Variants in DPP8 observed in about 807,000 individuals in gnomAD.
The protein encoded by DPP8 is dipeptidyl peptidase 8.
Under a neutral mutation model 107.5 loss-of-function variants are expected in DPP8, and 31 were observed. That is an observed-to-expected ratio of 0.29 (90% CI 0.22 to 0.39). The LOEUF (loss-of-function observed/expected upper bound fraction) is 0.39. Among genes scored for constraint, DPP8 ranks in the 10% least tolerant of loss-of-function variants. The probability of loss-of-function intolerance (pLI) is 1.00; values close to 1 mark genes in which losing one functional copy is unlikely to be tolerated. For missense variants in DPP8, 842 were observed against 1,076.1 expected, an observed-to-expected ratio of 0.78 and a Z score of 3.04; for synonymous variants, 381 against 356.6, an observed-to-expected ratio of 1.07 and a Z score of -0.77.
At chr15:65,470,186 C>A in intron 12 of DPP8, among the ~76,000 whole-genome samples, 1 of 99,044 alleles carries the variant, frequency 1.0e-5, no homozygotes. Context: ...CAGAGTGAGA[C>A]TCTTGTCTCA....
rs746259335 is a variant in DPP8, at chr15:65,487,798, G to A, written c.847C>T (p.Leu283Phe). 1 of 1,567,124 alleles carries A rather than the reference G, an allele frequency of 6.4e-7. No individual in the cohort carries two copies. The highest frequency in any genetic ancestry group is 8.8e-7 in the Non-Finnish European group (1 of 1,142,790). The change falls in exon 7 of 20, where the codon CTT becomes TTT. Residue 283 changes from leucine (L) to phenylalanine (F), a missense_variant. By Grantham distance (22) the Leu-to-Phe change is conservative. Transcript: ENST00000300141. ...AETTPSGGKI[L>F]RILYEENDES... is the part of the protein sequence containing the mutation. Reference sequence around the variant, plus strand: ...TCATTTTCTTCATATAGAATTCTAAGAATTTTACCACCACTGGGAGCTTAA... The same window carrying A: ...TCATTTTCTTCATATAGAATTCTAAAAATTTTACCACCACTGGGAGCTTAA...
intron 10 of DPP8, among the ~76,000 whole-genome samples, chr15:65,479,798 T>C (rs1008268688): frequency 7.1e-6 from 1 of 141,104 alleles, no homozygotes; most frequent in Non-Finnish European, 1.5e-5. Flanking sequence ...GAGCCGAGAT[T>C]GCACCACTGC....
chr15:65,514,785 C>T (rs2071238110), intron 1 of DPP8, among the ~76,000 whole-genome samples: 1 of 152,204 alleles, frequency 6.6e-6, no homozygotes. Context: ...GCTGGGATTA[C>T]AGGTGGGAGC....
At position 65,480,377 on chromosome 15, in the gene DPP8, G is replaced by A. The variant is rs1567210270; in HGVS notation, c.1141C>T (p.Arg381Cys). ...ACTATCTGTAGGCGAGTCTGGGAGC[G>A]ATCTAGTAGGATGGACCAAGCACTA... Reference protein sequence around the residue: ...GKYAWSILLDRSQTRLQIVLI... With the variant: ...GKYAWSILLDCSQTRLQIVLI... The change falls in exon 10 of 20, where the codon CGC becomes TGC. Residue 381 changes from arginine to cysteine, a missense_variant. Arg to Cys is a radical substitution (Grantham distance 180). This residue lies in a region of DPP8 where 663 missense variants were observed against 758.0 expected (regional missense o/e 0.87). Coordinates refer to ENST00000300141, the MANE Select transcript of DPP8 (RefSeq NM_130434.5). The A allele has an allele frequency of 6.2e-7, 1 of 1,611,740 alleles. No individual in the cohort carries two copies. The highest frequency in any genetic ancestry group is 1.3e-5 in the African/African-American group (1 of 74,880).
intron 7 of DPP8, among the ~76,000 whole-genome samples, chr15:65,485,656 TAAGTC>T (rs1424576172): frequency 6.6e-6 from 1 of 151,884 alleles, no homozygotes; most frequent in African/African-American, 2.4e-5. Flanking sequence ...ACACTTTAGT[TAAGTC>T]AAGAGTAACG....
At chr15:65,489,425 T>TTTTC (rs2140888520) in intron 6 of DPP8, among the ~76,000 whole-genome samples, 1 of 143,446 alleles carries the variant, frequency 7.0e-6, no homozygotes, top group African/African-American at 2.6e-5. Context: ...TTTTTTTTTT[T>TTTTC]TTTTTTGAGA....
rs948478605 is a variant in DPP8 at position 65,443,754 on chromosome 15, G to C, written c.*3130C>G. 1 of 152,122 alleles carries C rather than the reference G, an allele frequency of 6.6e-6. No homozygotes were observed. The highest frequency in any genetic ancestry group is 2.4e-5 in the African/African-American group (1 of 41,398). 9.4% of individuals were successfully genotyped at this position (152,122 alleles called of 1,614,324 possible). A position where few individuals can be genotyped will look rare whatever the true frequency, so the allele number is the denominator to read the frequency against. On this transcript the variant is annotated 3_prime_UTR_variant, in exon 20 of 20. Coordinates refer to ENST00000300141, the MANE Select transcript of DPP8 (RefSeq NM_130434.5). ...CATGGACTACTGTTTAGGTTCTTGT[G>C]AATCAGTCCAGTGTAAAAAATCACC... is the stretch of plus-strand genomic sequence containing the variant.
intron 1 of DPP8, among the ~76,000 whole-genome samples, chr15:65,514,533 G>A (rs2071201323): frequency 6.6e-6 from 1 of 152,124 alleles, no homozygotes; most frequent in African/African-American, 2.4e-5. Flanking sequence ...TTTTGAGGCA[G>A]AGTCTTGCTC....
chr15:65,478,384 G>A (rs904507117), intron 11 of DPP8, among the ~76,000 whole-genome samples: 3 of 152,064 alleles, frequency 2.0e-5, no homozygotes, highest in African/African-American at 4.8e-5. Context: ...TCAGCTTCCC[G>A]AGTAAGCTAA....
chr15:65,517,066 A>C (rs1357236208), intron 1 of DPP8: 1 of 153,010 alleles, frequency 6.5e-6, no homozygotes, highest in African/African-American at 2.4e-5. Context: ...GAAAAACCAG[A>C]AAATCTGAGG....
At position 65,454,521 on chromosome 15, in the gene DPP8, T is replaced by C. The variant is rs956734848; in HGVS notation, c.2119-106A>G. The C allele has an allele frequency of 1.8e-5, 18 of 1,018,494 alleles. No individual in the cohort carries two copies. In the South Asian group the frequency reaches 2.6e-4, roughly 15 times the overall value. 63.1% of individuals were successfully genotyped at this position (1,018,494 alleles called of 1,614,324 possible). ...TTACTAAAAATACCTGTAGGTGTTTTAATTTTTATTTTATTTATTTTTTGA... is the reference window on the plus strand; with the variant it reads ...TTACTAAAAATACCTGTAGGTGTTTCAATTTTTATTTTATTTATTTTTTGA... On this transcript the variant is annotated intron_variant, in intron 16 of 19. Transcript: ENST00000300141.
intron 8 of DPP8, among the ~76,000 whole-genome samples, chr15:65,482,045 T>TA (rs2066980804): frequency 6.6e-6 from 1 of 151,780 alleles, no homozygotes; most frequent in Non-Finnish European, 1.5e-5. Context: ...TATATATATA[T>TA]TTTTTGAGAC....
chr15:65,502,810 C>T (rs1291248855), intron 3 of DPP8: 8 of 151,998 alleles, frequency 5.3e-5, no homozygotes, highest in African/African-American at 1.9e-4. Flanking sequence ...TATACAACCC[C>T]TAACTGCTAC....
chr15:65,500,316 G>A (rs1332187354), intron 4 of DPP8, among the ~76,000 whole-genome samples: 1 of 151,956 alleles, frequency 6.6e-6, no homozygotes. Flanking sequence ...TACTTGGGAG[G>A]CTGAGGCAGG....
intron 6 of DPP8, among the ~76,000 whole-genome samples, chr15:65,488,993 G>A (rs1213256721): frequency 3.3e-5 from 5 of 152,082 alleles, no homozygotes; most frequent in Non-Finnish European, 7.3e-5. Flanking sequence ...ACGGAGTCTC[G>A]CTCTGTTGCC....
intron 15 of DPP8, among the ~76,000 whole-genome samples, chr15:65,462,859 G>C (rs1209685549): frequency 2.0e-5 from 3 of 152,056 alleles, no homozygotes; most frequent in African/African-American, 7.2e-5. Flanking sequence ...GATTACAGGC[G>C]TGAGCCACTG....
At chr15:65,447,944 CAATA>C (rs2063592226) in intron 19 of DPP8, among the ~76,000 whole-genome samples, 1 of 152,016 alleles carries the variant, frequency 6.6e-6, no homozygotes, top group Non-Finnish European at 1.5e-5. Flanking sequence ...TAAAAGGAGT[CAATA>C]TTTGAAAGAC....
At chr15:65,488,441 T>TA (rs952535809) in intron 6 of DPP8, among the ~76,000 whole-genome samples, 4 of 148,902 alleles carry the variant, frequency 2.7e-5, no homozygotes, top group African/African-American at 2.5e-5. Flanking sequence ...ACCCCATCTC[T>TA]AAAAAAAAAT....
In DPP8 at chr15:65,489,358, T is replaced by C. The variant is rs2067768952; in HGVS notation, c.826+831A>G. On this transcript the variant is annotated intron_variant, in intron 6 of 19. Coordinates refer to ENST00000300141, the MANE Select transcript of DPP8 (RefSeq NM_130434.5). ...AAAGAGAATTGAGGGGCCAGAGGCA[T>C]TAAACCACAATACAATGGTTTTTAC... Among the ~76,000 whole-genome samples, 3 of 151,134 alleles carry C rather than the reference T, an allele frequency of 2.0e-5. No individual in the cohort carries two copies. The South Asian group carries it at 6.3e-4, about 32-fold the overall frequency.
Sources: gnomAD v4.1 joint callset for allele counts (sites outside exome capture counted in the v4.1 genomes callset) on GRCh38, gnomAD v4.1.1 for gene constraint, gnomAD v4.1.1 regional missense constraint, MANE v1.5 for transcripts, NCBI Gene and HGNC (gene_info 2026-07-23, HGNC 2026-07-21) for gene names.